The following AKNAD1 variants were observed in gnomAD, a reference collection of about 807,000 sequenced individuals.
The protein encoded by AKNAD1 is AKNA domain containing 1.
In AKNAD1, 67 loss-of-function variants were observed where a neutral mutation model predicts 90.8. The observed-to-expected ratio is 0.74, with a 90% CI of 0.61 to 0.90. AKNAD1 has a LOEUF of 0.90. Ranked by LOEUF, AKNAD1 falls within the 40% of genes least tolerant of loss-of-function variation. AKNAD1 has a pLI of 0.00. For synonymous variants in AKNAD1, 327 were observed against 341.4 expected (o/e 0.96, Z 0.46); for missense variants, 957 against 975.4 (o/e 0.98, Z 0.25).
intron 13 of AKNAD1, among the ~76,000 whole-genome samples, chr1:108,821,308 G>A (rs10776754): frequency 0.47 from 71,408 of 151,742 alleles, 17,457 homozygotes; most frequent in Non-Finnish European, 0.55. Context: ...AAAATTAGCC[G>A]GGTGTGGTGG....
At chr1:108,820,249 C>T (rs904444105) in intron 14 of AKNAD1, among the ~76,000 whole-genome samples, 51 of 152,190 alleles carry the variant, frequency 3.4e-4, no homozygotes, top group African/African-American at 9.7e-4. Flanking sequence ...GGACTTTGTA[C>T]GTCCCCTTCT....
chr1:108,847,592 G>A (rs1171233896), intron 5 of AKNAD1, among the ~76,000 whole-genome samples: 19 of 148,224 alleles, frequency 1.3e-4, no homozygotes, highest in Non-Finnish European at 1.9e-4. Context: ...CCCAAGTGCT[G>A]TATGGTAAAT....
chr1:108,856,301 C>T (rs139939757), intron 1 of AKNAD1, among the ~76,000 whole-genome samples: 1 of 152,158 alleles, frequency 6.6e-6, no homozygotes, highest in Non-Finnish European at 1.5e-5. Flanking sequence ...AAACGCCATA[C>T]CCTTCTTGTA....
At chr1:108,824,421 A>G (rs1663927852) in intron 11 of AKNAD1, among the ~76,000 whole-genome samples, 1 of 147,058 alleles carries the variant, frequency 6.8e-6, no homozygotes, top group African/African-American at 2.4e-5. Context: ...CATTTTTAAC[A>G]TTAAAGTGAA....
chr1:108,852,836 A>G (rs575256714), intron 1 of AKNAD1, 69 bp from the exon 2 acceptor site: 1 of 532,032 alleles, frequency 1.9e-6, no homozygotes, highest in South Asian at 7.8e-5. Context: ...GCCAGAACAA[A>G]GTGGATGTTT....
intron 2 of AKNAD1, among the ~76,000 whole-genome samples, chr1:108,850,705 G>T (rs1664829380): frequency 2.0e-5 from 3 of 152,174 alleles, no homozygotes. Flanking sequence ...AATGGAAATG[G>T]AAACAGGCAG....
chr1:108,845,858 CACTT>C (rs1664687064), intron 5 of AKNAD1, among the ~76,000 whole-genome samples: 1 of 152,144 alleles, frequency 6.6e-6, no homozygotes, highest in African/African-American at 2.4e-5. Flanking sequence ...CAGGACAAGT[CACTT>C]ACGAACTGGA....
intron 10 of AKNAD1, among the ~76,000 whole-genome samples, chr1:108,829,181 A>G (rs1557828601): frequency 1.3e-5 from 2 of 151,752 alleles, no homozygotes; most frequent in African/African-American, 4.8e-5. Context: ...ATTTTAATTC[A>G]TAAGTCATGT....
intron 5 of AKNAD1, among the ~76,000 whole-genome samples, chr1:108,845,329 A>T (rs982815615): frequency 2.6e-5 from 4 of 152,080 alleles, no homozygotes; most frequent in African/African-American, 9.7e-5. Context: ...AGCAGGAGAG[A>T]GGAGTTGGAG....
chr1:108,834,884 CT>C (rs1664331251), intron 8 of AKNAD1, 44 bp downstream of exon 8: 1 of 1,499,026 alleles, frequency 6.7e-7, no homozygotes, highest in African/African-American at 1.4e-5. Flanking sequence ...GAAGGGGCCT[CT>C]TTCTGTGTCC....
upstream of AKNAD1, among the ~76,000 whole-genome samples, chr1:108,857,892 T>C (rs562270577): frequency 6.6e-6 from 1 of 152,242 alleles, no homozygotes. Flanking sequence ...CCTTTTTGTA[T>C]CTGTCATTTA....
chr1:108,828,596 T>C (rs1263501464), intron 10 of AKNAD1, among the ~76,000 whole-genome samples: 1 of 151,870 alleles, frequency 6.6e-6, no homozygotes, highest in Non-Finnish European at 1.5e-5. Context: ...CTCGCCGCGC[T>C]GTGCCCTGGC....
chr1:108,841,432 G>A (rs376036330), intron 6 of AKNAD1, among the ~76,000 whole-genome samples: 2 of 152,272 alleles, frequency 1.3e-5, no homozygotes, highest in East Asian at 3.9e-4. Flanking sequence ...GCTGATGAAG[G>A]TAGAACCCCA....
intron 14 of AKNAD1, among the ~76,000 whole-genome samples, chr1:108,819,245 T>C (rs1409991017): frequency 1.3e-5 from 2 of 152,158 alleles, no homozygotes; most frequent in Admixed American, 6.5e-5. Flanking sequence ...TCTTAACTCC[T>C]CTAATTCGTT....
At chr1:108,826,748 T>C (rs1468477561) in intron 11 of AKNAD1, among the ~76,000 whole-genome samples, 2 of 148,812 alleles carry the variant, frequency 1.3e-5, no homozygotes, top group Admixed American at 6.8e-5. Context: ...TTTTCTTTTT[T>C]TTTTTTTTTG....
Position 108,852,246 on chromosome 1 carries a change from T to C in AKNAD1, c.419A>G (p.Asp140Gly). The change falls in exon 2 of 16, where the codon GAC becomes GGC. Residue 140 changes from aspartate (D) to glycine (G), a missense_variant. Transcript: ENST00000370001. The part of the protein sequence containing the change: ...CETLPEISNA[D>G]SFEEEAIIKS... ...AATAATAGCTTCCTCTTCAAAACTG[T>C]CGGCATTTGAGATCTCTGGGAGGGT... 6.2e-7 allele frequency: 1 copy of C among 1,613,840 alleles called. No individual in the cohort carries two copies. The highest frequency in any genetic ancestry group is 1.6e-4 in the Middle Eastern group (1 of 6,062).
intron 7 of AKNAD1, among the ~76,000 whole-genome samples, chr1:108,836,019 A>G (rs1232465636): frequency 6.6e-6 from 1 of 152,170 alleles, no homozygotes; most frequent in Non-Finnish European, 1.5e-5. Flanking sequence ...ATACCTAGAA[A>G]AGTGCTAGCC....
At chr1:108,831,633 TCCTA>T (rs1664198181) in intron 9 of AKNAD1, among the ~76,000 whole-genome samples, 1 of 151,878 alleles carries the variant, frequency 6.6e-6, no homozygotes, top group African/African-American at 2.4e-5. Flanking sequence ...TGGTTGTATT[TCCTA>T]CCTGTGACTT....
At position 108,823,444 on chromosome 1, in the gene AKNAD1, T is replaced by C. The variant is rs1158564809; in HGVS notation, c.2093A>G (p.Asn698Ser). 1 of 1,614,062 alleles carries C rather than the reference T, an allele frequency of 6.2e-7. No individual in the cohort carries two copies. Among genetic ancestry groups the C allele is most frequent in the African/African-American group, 1.3e-5 (1 of 74,926 alleles). ...FHYRYNTPGQ[N>S]YSNHSKRGAF... ...ACCTCTTTTGCTATGATTTGAGTAA[T>C]TCTGTCCTGGAGTGTTGTATCTATA... The change falls in exon 13 of 16, where the codon AAT becomes AGT. Residue 698 changes from asparagine (N) to serine (S), a missense_variant. Coordinates refer to ENST00000370001, the MANE Select transcript of AKNAD1 (RefSeq NM_152763.5).
Sources: allele counts gnomAD v4.1 joint callset (sites outside exome capture counted in the v4.1 genomes callset), GRCh38; gene constraint gnomAD v4.1.1; transcripts MANE v1.5; gene names NCBI Gene and HGNC (gene_info 2026-07-23, HGNC 2026-07-21).